Variants in KSR2 observed in about 807,000 individuals in gnomAD.
The protein encoded by KSR2 is kinase suppressor of ras 2.
A neutral mutation model predicts 107.8 loss-of-function variants in KSR2; 25 were observed. That is an observed-to-expected ratio of 0.23 (90% CI 0.17 to 0.32). The LOEUF (loss-of-function observed/expected upper bound fraction) is 0.32. Ranked by LOEUF, KSR2 falls within the 10% of genes least tolerant of loss-of-function variation. The pLI, the probability that KSR2 is intolerant of heterozygous loss-of-function variation, is 1.00. For missense variants in KSR2, 887 were observed against 1,268.9 expected (o/e 0.70, Z 4.57); for synonymous variants, 480 against 507.0 (o/e 0.95, Z 0.71).
At chr12:117,509,366 C>T (rs1873895735) in intron 14 of KSR2, among the ~76,000 whole-genome samples, 1 of 152,044 alleles carries the variant, frequency 6.6e-6, no homozygotes, top group African/African-American at 2.4e-5. Flanking sequence ...AATTCAGGAG[C>T]CAGGTGGTGA....
chr12:117,953,588 T>C (rs372551891), intron 1 of KSR2, among the ~76,000 whole-genome samples: 4 of 152,272 alleles, frequency 2.6e-5, no homozygotes, highest in East Asian at 1.9e-4. Flanking sequence ...GCTACTTACA[T>C]GAGGTACCTA....
intron 1 of KSR2, among the ~76,000 whole-genome samples, chr12:117,929,089 TACATCTCTGCATCTCAATTACTTC>T (rs750961966): frequency 2.0e-5 from 3 of 152,236 alleles, no homozygotes; most frequent in South Asian, 2.1e-4. Context: ...ACTTCAGACA[TACATCTCTGCATCTCAATTACTTC>T]ACATCTCTGC....
chr12:117,634,397 G>A (rs1046597265), intron 5 of KSR2, among the ~76,000 whole-genome samples: 8 of 152,122 alleles, frequency 5.3e-5, no homozygotes, highest in African/African-American at 1.9e-4. Context: ...GAATCTGAAA[G>A]CCCCTGAGTC....
rs1565913670 is a variant in KSR2, at chr12:117,586,661, A to AAAGAAAGAAAGAAAG, written c.1172-4303_1172-4302insCTTTCTTTCTTTCTT. ...AGAAAGAAAGAAAGAAAGAAAGAAA[A>AAAGAAAGAAAGAAAG]ATATAGTAAATCTGCTGTCTGCTGT... On this transcript the variant is annotated intron_variant, in intron 5 of 19. Transcript: ENST00000339824. Among the ~76,000 whole-genome samples, 7 of 67,016 alleles carry AAAGAAAGAAAGAAAG rather than the reference A, an allele frequency of 1.0e-4. No individual in the cohort carries two copies. The South Asian group carries it at 3.0e-3, about 29-fold the overall frequency. 44.0% of individuals were successfully genotyped at this position (67,016 alleles called of 152,430 possible). A position where few individuals can be genotyped will look rare whatever the true frequency, so the allele number is the denominator to read the frequency against.
At chr12:117,811,569 C>T (rs1891191325) in intron 3 of KSR2, among the ~76,000 whole-genome samples, 1 of 152,190 alleles carries the variant, frequency 6.6e-6, no homozygotes. Flanking sequence ...CCCATTAAGA[C>T]AGGACTTAGC....
intron 4 of KSR2, among the ~76,000 whole-genome samples, chr12:117,698,641 A>C (rs1270182615): frequency 6.6e-6 from 1 of 151,946 alleles, no homozygotes; most frequent in African/African-American, 2.4e-5. Flanking sequence ...TTTTCTCTTA[A>C]TCATTACATC....
intron 14 of KSR2, among the ~76,000 whole-genome samples, chr12:117,509,967 C>T (rs1222883161): frequency 1.3e-5 from 2 of 152,200 alleles, no homozygotes; most frequent in African/African-American, 2.4e-5. Flanking sequence ...GGAGAAGGGC[C>T]TCTGCTTCTC....
At chr12:117,826,920 AC>A (rs1891776997) in intron 3 of KSR2, among the ~76,000 whole-genome samples, 1 of 151,816 alleles carries the variant, frequency 6.6e-6, no homozygotes, top group Non-Finnish European at 1.5e-5. Flanking sequence ...CCCCATCTCT[AC>A]AAAAAATACA....
Position 117,761,333 on chromosome 12 carries a change from T to C in KSR2, c.664A>G (p.Thr222Ala). 6.4e-7 allele frequency: 1 copy of C among 1,570,006 alleles called. No individual in the cohort carries two copies. The highest frequency in any genetic ancestry group is 8.6e-7 in the Non-Finnish European group (1 of 1,163,778). Residue 222 changes from threonine (T) to alanine (A), a missense_variant, in exon 4 of 20, where the codon ACC (threonine) becomes GCC (alanine). By Grantham distance (58) the Thr-to-Ala change is moderately conservative. Coordinates refer to ENST00000339824, the MANE Select transcript of KSR2 (RefSeq NM_173598.6). ...TCCACGGTAAGCCTGTCCACGTGGG[T>C]GTACACAGGGGCCCCGGGAGTGGGG... is the stretch of plus-strand genomic sequence containing the variant. ...TSPTPGAPVY[T>A]HVDRLTVDAY...
chr12:117,828,318 A>G (rs1891831221), intron 3 of KSR2, among the ~76,000 whole-genome samples: 1 of 152,202 alleles, frequency 6.6e-6, no homozygotes, highest in South Asian at 2.1e-4. Context: ...AGCCACAGTC[A>G]AGTTCAGGTA....
chr12:117,519,501 C>T (rs1457551749), intron 14 of KSR2, among the ~76,000 whole-genome samples: 1 of 151,850 alleles, frequency 6.6e-6, no homozygotes, highest in East Asian at 1.9e-4. Context: ...TAGGGAACCA[C>T]ATGATACGAA....
rs573351651 is a variant in KSR2 at position 117,897,812 on chromosome 12, T to C, written c.181-37381A>G. 1.3e-5 allele frequency among the ~76,000 whole-genome samples: 2 copies of C among 152,250 alleles called. No homozygotes were observed. Among genetic ancestry groups the C allele is most frequent in the African/African-American group, 4.8e-5 (2 of 41,548 alleles). ...ATAATGGGCTTAATTCCCCAAATTG[T>C]TGGGAATATTGTTTTATTTTCCTAT... On this transcript the variant is annotated intron_variant, in intron 1 of 19. Coordinates refer to ENST00000339824, the MANE Select transcript of KSR2 (RefSeq NM_173598.6). This position sits in a 1 kb window ranked among gnomAD's most constrained non-coding sequence, Gnocchi z 4.5.
At chr12:117,704,128 T>C (rs1211302331) in intron 4 of KSR2, among the ~76,000 whole-genome samples, 1 of 152,144 alleles carries the variant, frequency 6.6e-6, no homozygotes, top group Non-Finnish European at 1.5e-5. Flanking sequence ...TATTCGTGGA[T>C]GGAACAAATG....
intron 3 of KSR2, among the ~76,000 whole-genome samples, chr12:117,792,805 A>C (rs935769392): frequency 1.3e-5 from 2 of 152,206 alleles, no homozygotes; most frequent in Non-Finnish European, 2.9e-5. Flanking sequence ...ATCCCTAAAA[A>C]TAACTGAGAA....
intron 1 of KSR2, among the ~76,000 whole-genome samples, chr12:117,960,031 TG>T (rs1314885774): frequency 6.6e-6 from 1 of 152,018 alleles, no homozygotes; most frequent in Non-Finnish European, 1.5e-5. Context: ...ATCCTTTCCC[TG>T]CCCACTCCCT....
chr12:117,788,487 G>A (rs1445334800), intron 3 of KSR2, among the ~76,000 whole-genome samples: 1 of 152,156 alleles, frequency 6.6e-6, no homozygotes, highest in Admixed American at 6.5e-5. Context: ...GGTAGGACTT[G>A]AGCTCCAATG....
intron 4 of KSR2, among the ~76,000 whole-genome samples, chr12:117,704,040 A>G (rs1224890936): frequency 6.6e-6 from 1 of 152,164 alleles, no homozygotes; most frequent in Non-Finnish European, 1.5e-5. Flanking sequence ...TGATCTGTGC[A>G]CTGCTTCCTA....
chr12:117,544,394 C>A (rs960280151), intron 9 of KSR2, among the ~76,000 whole-genome samples: 3 of 152,032 alleles, frequency 2.0e-5, no homozygotes, highest in African/African-American at 4.8e-5. Context: ...CCGAGATGGG[C>A]AGATCACAAG....
chr12:117,636,238 C>CA (rs1383771047), intron 5 of KSR2, among the ~76,000 whole-genome samples: 1 of 151,302 alleles, frequency 6.6e-6, no homozygotes, highest in Admixed American at 6.6e-5. Flanking sequence ...AGCAAAACAA[C>CA]AAAAAAAGGA....
Sources: allele counts gnomAD v4.1 joint callset (sites outside exome capture counted in the v4.1 genomes callset), GRCh38; gene constraint gnomAD v4.1.1; non-coding constraint Gnocchi (gnomAD v3.1); transcripts MANE v1.5; gene names NCBI Gene and HGNC (gene_info 2026-07-23, HGNC 2026-07-21).